Variants in TPM4 observed in about 807,000 individuals in gnomAD.
The protein encoded by TPM4 is tropomyosin alpha-4 chain.
A neutral mutation model predicts 35.8 loss-of-function variants in TPM4; 17 were observed. The observed-to-expected ratio is 0.47, with a 90% CI of 0.32 to 0.71. The LOEUF is 0.71. TPM4 is among the 30% of genes least tolerant of loss of function. The pLI is 0.03. For synonymous variants in TPM4, 120 were observed against 122.9 expected (o/e 0.98, Z 0.15); for missense variants, 240 against 320.9 (o/e 0.75, Z 1.93).
intron 4 of TPM4, 174 bp downstream of exon 4, chr19:16,088,271 T>C: frequency 2.8e-6 from 4 of 1,411,328 alleles, no homozygotes; most frequent in Middle Eastern, 1.8e-4. Flanking sequence ...TGGTGACTTG[T>C]TCTTACTGCC....
chr19:16,096,936 C>CTTTTTTTTTTTTTTTT (rs71178641), intron 7 of TPM4, among the ~76,000 whole-genome samples: 1 of 69,050 alleles, frequency 1.4e-5, no homozygotes, highest in African/African-American at 5.6e-5. Flanking sequence ...CAAGGTCACT[C>CTTTTTTTTTTTTTTTT]TTTTTTTTTT....
chr19:16,092,648 G>A (rs1406989688), intron 5 of TPM4, among the ~76,000 whole-genome samples: 1 of 151,588 alleles, frequency 6.6e-6, no homozygotes, highest in Non-Finnish European at 1.5e-5. Context: ...CAATTCTCAT[G>A]CCTTAGCCTC....
chr19:16,093,620 G>A (rs761731367), intron 6 of TPM4, 22 bp downstream of exon 6: 41 of 1,614,082 alleles, frequency 2.5e-5, no homozygotes, highest in East Asian at 6.7e-5. Flanking sequence ...GGCACCCAGC[G>A]AGCTCTGGTT....
In TPM4 at chr19:16,067,706, G is replaced by A; in HGVS notation, c.82G>A (p.Asp28Asn). The change falls in exon 2 of 3, where the codon GAT becomes AAT. Residue 28 changes from aspartate to asparagine, a missense_variant. By Grantham distance (23) the Asp-to-Asn change is conservative. Transcript: ENST00000589897. This position sits in a 1 kb window ranked among gnomAD's most constrained non-coding sequence, Gnocchi z 4.1. ...CGACCGCGCGGAGCAGGCGGAGGCGGATAAGAAAGCCGCTGAGGACAAGTG... is the reference window on the plus strand; with the variant it reads ...CGACCGCGCGGAGCAGGCGGAGGCGAATAAGAAAGCCGCTGAGGACAAGTG... 1.2e-6 allele frequency: 2 copies of A among 1,613,472 alleles called. No individual in the cohort carries two copies. The highest frequency in any genetic ancestry group is 1.7e-6 in the Non-Finnish European group (2 of 1,179,856).
chr19:16,076,531 C>A lies in TPM4; in HGVS notation c.-35C>A. ...GCCGGAGCCGAGCCCAGCCGAGCGT[C>A]CGCCGCTGCCCGTGCGCCTCTGCGC... On this transcript the variant is annotated 5_prime_UTR_variant, in exon 1 of 8. Coordinates refer to ENST00000643579, the MANE Select transcript of TPM4 (RefSeq NM_003290.3). 1 of 1,410,082 alleles carries A rather than the reference C, an allele frequency of 7.1e-7. No homozygotes were observed. Among genetic ancestry groups the A allele is most frequent in the Non-Finnish European group, 9.2e-7 (1 of 1,086,092 alleles). The allele number at this position is 1,410,082 out of a possible 1,614,324, so 87.3% of individuals were successfully genotyped here.
At chr19:16,088,838 C>CAGAGACAGAAAG in intron 4 of TPM4, 1 of 1,359,680 alleles carries the variant, frequency 7.4e-7, no homozygotes. Flanking sequence ...GGGCGCACCT[C>CAGAGACAGAAAG]GCCTCTGCCT....
intron 1 of TPM4, chr19:16,079,769 G>C (rs186319596): frequency 5.6e-6 from 1 of 179,258 alleles, no homozygotes; most frequent in Non-Finnish European, 1.2e-5. Context: ...GCGCGATCTC[G>C]GCTCATTGCA....
intron 5 of TPM4, among the ~76,000 whole-genome samples, chr19:16,092,728 G>A (rs528178018): frequency 2.6e-5 from 4 of 152,208 alleles, no homozygotes; most frequent in Admixed American, 1.3e-4. Flanking sequence ...TAAAGACAGC[G>A]TTTCGCCATG....
rs2090314336 is a variant in TPM4 at position 16,067,925 on chromosome 19, C to T, written c.114+187C>T. 2 of 551,000 alleles carry T rather than the reference C, an allele frequency of 3.6e-6. No individual in the cohort carries two copies. The highest frequency in any genetic ancestry group is 6.2e-6 in the Non-Finnish European group (2 of 320,292). 34.1% of individuals were successfully genotyped at this position (551,000 alleles called of 1,614,324 possible). A position where few individuals can be genotyped will look rare whatever the true frequency, so the allele number is the denominator to read the frequency against. ...GGGTCCTGGGCTGGAAGAGGGGTGA[C>T]GATCGGACCCACCCCCAGCAGGGCC... On this transcript the variant is annotated intron_variant, in intron 2 of 2. Transcript: ENST00000589897. The surrounding 1 kb of genome is among the most constrained non-coding windows in gnomAD (Gnocchi z 4.1).
At chr19:16,073,692 T>A (rs570914690), upstream of TPM4, among the ~76,000 whole-genome samples, 9 of 152,126 alleles carry the variant, frequency 5.9e-5, 1 homozygote, top group Admixed American at 3.3e-4. Context: ...CCCTGCTCTC[T>A]GTCACATCTC....
chr19:16,079,696 T>C (rs1021032926), intron 1 of TPM4: 1 of 196,932 alleles, frequency 5.1e-6, no homozygotes, highest in Non-Finnish European at 1.1e-5. Context: ...AGGGAGTGGT[T>C]TCCTAATAAT....
At chr19:16,098,857 G>A (rs971044314) in intron 7 of TPM4, among the ~76,000 whole-genome samples, 1 of 152,006 alleles carries the variant, frequency 6.6e-6, no homozygotes, top group African/African-American at 2.4e-5. Flanking sequence ...TAAAATCCTA[G>A]CTCTACTACT....
intron 7 of TPM4, 65 bp downstream of exon 7, chr19:16,093,818 A>G: frequency 6.3e-7 from 1 of 1,585,260 alleles, no homozygotes; most frequent in Non-Finnish European, 8.6e-7. Context: ...ATCCACGGAC[A>G]GTTGGGGAAT....
intron 1 of TPM4, chr19:16,080,916 T>C: frequency 2.5e-6 from 1 of 397,720 alleles, no homozygotes. Context: ...TTCTTGTAGG[T>C]AAAAACACCT....
At chr19:16,081,584 CAG>C (rs1373018578) in intron 1 of TPM4, 1 of 172,834 alleles carries the variant, frequency 5.8e-6, no homozygotes, top group African/African-American at 2.4e-5. Context: ...TTAGTAGAGA[CAG>C]GGTTTCACCA....
intron 2 of TPM4, among the ~76,000 whole-genome samples, chr19:16,068,766 AGTGT>A (rs1019741115): frequency 1.3e-5 from 2 of 150,600 alleles, no homozygotes; most frequent in African/African-American, 4.9e-5. Context: ...TGTGTGTGTG[AGTGT>A]ATCTGTGTGT....
chr19:16,067,692 A>C lies in TPM4; in HGVS notation c.68A>C (p.Glu23Ala). 6.2e-7 allele frequency: 1 copy of C among 1,613,658 alleles called. No individual in the cohort carries two copies. The highest frequency in any genetic ancestry group is 1.3e-5 in the African/African-American group (1 of 75,034). ...AAGGAGAATGCCATCGACCGCGCGG[A>C]GCAGGCGGAGGCGGATAAGAAAGCC... Residue 23 changes from glutamate (E) to alanine (A), a missense_variant, in exon 2 of 3, where the codon GAG becomes GCG. Glu to Ala is a moderately radical substitution (Grantham distance 107). Coordinates refer to the TPM4 transcript ENST00000589897. The surrounding 1 kb of genome is among the most constrained non-coding windows in gnomAD (Gnocchi z 4.1).
rs1432982370 is a variant in TPM4 at position 16,101,303 on chromosome 19, A to G, written c.704A>G (p.His235Arg). 9.3e-6 allele frequency: 15 copies of G among 1,609,154 alleles called. No homozygotes were observed. The highest frequency in any genetic ancestry group is 1.3e-5 in the Non-Finnish European group (15 of 1,177,652). Residue 235 changes from histidine to arginine, a missense_variant, in exon 8 of 8, where the codon CAT becomes CGT. Physicochemically the swap from His to Arg is conservative, Grantham distance 29 (BLOSUM62 0). Coordinates refer to ENST00000643579, the MANE Select transcript of TPM4 (RefSeq NM_003290.3). Reference sequence around the variant, plus strand: ...GCCAAAGAAGAGAACGTGGGCTTACATCAGACACTGGATCAGACACTAAAC... The same window carrying G: ...GCCAAAGAAGAGAACGTGGGCTTACGTCAGACACTGGATCAGACACTAAAC... ...AQAKEENVGL[H>R]QTLDQTLNEL...
rs573965261 is a variant in TPM4 at position 16,083,757 on chromosome 19, C to CTTT, written c.266+1728_266+1730dup. ...ATAAACACCTCCCAAAGATTCATTT[C>CTTT]TTTTTTTTTTTTTTTTTTTGAGACA... On this transcript the variant is annotated intron_variant, in intron 2 of 7. Coordinates refer to ENST00000643579, the MANE Select transcript of TPM4 (RefSeq NM_003290.3). Among the ~76,000 whole-genome samples the CTTT allele has an allele frequency of 2.1e-3, 257 of 120,632 alleles. 7 individuals carry two copies. Among genetic ancestry groups the CTTT allele is most frequent in the African/African-American group, 7.4e-3 (228 of 30,680 alleles). The allele number at this position is 120,632 out of a possible 152,430, so 79.1% of individuals were successfully genotyped here. A position where few individuals can be genotyped will look rare whatever the true frequency, so the allele number is the denominator to read the frequency against.
Sources: gnomAD v4.1 joint callset for allele counts (sites outside exome capture counted in the v4.1 genomes callset) on GRCh38, gnomAD v4.1.1 for gene constraint, Gnocchi (gnomAD v3.1) non-coding constraint, MANE v1.5 for transcripts, NCBI Gene and HGNC (gene_info 2026-07-23, HGNC 2026-07-21) for gene names.